Variants in KCNU1 observed in about 807,000 individuals in gnomAD.
KCNU1 encodes the protein potassium calcium-activated channel subfamily U member 1.
In KCNU1, 93 loss-of-function variants were observed where a neutral mutation model predicts 126.8. The observed-to-expected ratio is 0.73, with a 90% CI of 0.62 to 0.87. The LOEUF (loss-of-function observed/expected upper bound fraction) is 0.87, where lower values mean the gene tolerates loss of function less well. Ranked by LOEUF, KCNU1 falls within the 40% of genes least tolerant of loss-of-function variation. The pLI is 0.00. For synonymous variants in KCNU1, 523 were observed against 494.2 expected, an observed-to-expected ratio of 1.06 and a Z score of -0.77; for missense variants, 1,330 against 1,367.1, an observed-to-expected ratio of 0.97 and a Z score of 0.43.
In KCNU1 at chr8:36,907,478, T is replaced by C. The variant is rs142431665; in HGVS notation, c.2106+1674T>C. On this transcript the variant is annotated intron_variant, in intron 20 of 26. Coordinates refer to ENST00000399881, the MANE Select transcript of KCNU1 (RefSeq NM_001031836.3). ...ACCGTTAGAGGCTTCATTATTCAAG[T>C]TAAAACTAATCGGATTAGCTAGAGA... Among the ~76,000 whole-genome samples the C allele has an allele frequency of 4.6e-5, 7 of 152,242 alleles. No individual in the cohort carries two copies. In the East Asian group the frequency reaches 1.2e-3, roughly 25 times the overall value.
In KCNU1 at chr8:36,935,664, C is replaced by T. The variant is rs201369844; in HGVS notation, c.3194C>T (p.Thr1065Ile). Residue 1065 changes from threonine to isoleucine, a missense_variant, in exon 27 of 27, where the codon ACA (threonine) becomes ATA (isoleucine). By Grantham distance (89) the Thr-to-Ile change is moderately conservative. Around this residue, in one of 3 missense-constraint regions of KCNU1, gnomAD observed 1,054 missense variants for 1,053.9 expected, o/e 1.00. Transcript: ENST00000399881. Reference sequence around the variant, plus strand: ...GAAATTGTAAATAAAGCATCACAGACAACAGAGACACATTCAGACACAAAT... The same window carrying T: ...GAAATTGTAAATAAAGCATCACAGATAACAGAGACACATTCAGACACAAAT... ...SYEIVNKASQ[T>I]TETHSDTNCP... The T allele has an allele frequency of 9.3e-6, 15 of 1,613,272 alleles. No individual in the cohort carries two copies. In the African/African-American group the frequency reaches 1.6e-4, roughly 17 times the overall value.
At chr8:36,849,852 T>C (rs895123687) in intron 18 of KCNU1, among the ~76,000 whole-genome samples, 6 of 152,282 alleles carry the variant, frequency 3.9e-5, no homozygotes, top group Admixed American at 1.3e-4. Context: ...AGAAGTAGAA[T>C]TGCTAAATCA....
intron 18 of KCNU1, among the ~76,000 whole-genome samples, chr8:36,850,401 A>G (rs1210777833): frequency 6.6e-6 from 1 of 151,040 alleles, no homozygotes; most frequent in East Asian, 1.9e-4. Flanking sequence ...ACCAAGATTT[A>G]CCCCAAAACT....
At chr8:36,797,887 C>G (rs186051216) in intron 2 of KCNU1, among the ~76,000 whole-genome samples, 9 of 152,266 alleles carry the variant, frequency 5.9e-5, no homozygotes, top group African/African-American at 1.9e-4. Flanking sequence ...CCAATGTAGC[C>G]TCTCTCCTCT....
At chr8:36,816,988 T>G (rs762169250) in intron 9 of KCNU1, among the ~76,000 whole-genome samples, 3 of 151,966 alleles carry the variant, frequency 2.0e-5, no homozygotes, top group Non-Finnish European at 4.4e-5. Flanking sequence ...CTCAGACAAC[T>G]AGGAATTAAG....
chr8:36,884,429 A>T (rs1750362990), intron 19 of KCNU1, among the ~76,000 whole-genome samples: 1 of 152,120 alleles, frequency 6.6e-6, no homozygotes, highest in Non-Finnish European at 1.5e-5. Context: ...GTATGCCGTG[A>T]TGTGAGCCAC....
At chr8:36,798,233 A>C (rs1482439101) in intron 2 of KCNU1, among the ~76,000 whole-genome samples, 1 of 152,146 alleles carries the variant, frequency 6.6e-6, no homozygotes, top group Non-Finnish European at 1.5e-5. Flanking sequence ...TCTTGCCCAA[A>C]TTCCTATCTA....
At chr8:36,821,121 C>T (rs1804108649) in intron 10 of KCNU1, among the ~76,000 whole-genome samples, 1 of 152,132 alleles carries the variant, frequency 6.6e-6, no homozygotes, top group Admixed American at 6.6e-5. Flanking sequence ...CAATTTAGCA[C>T]ACACAAGAAT....
chr8:36,864,212 C>T (rs765940218), intron 18 of KCNU1, among the ~76,000 whole-genome samples, 192 bp from the exon 19 acceptor site: 3 of 152,130 alleles, frequency 2.0e-5, no homozygotes, highest in African/African-American at 7.2e-5. Context: ...CTGAAATTCT[C>T]TCTCACTCCC....
rs1038714306 is a variant in KCNU1, at chr8:36,904,799, C to G, written c.2010-909C>G. 8.5e-5 allele frequency among the ~76,000 whole-genome samples: 13 copies of G among 152,246 alleles called. No homozygotes were observed. In the East Asian group the frequency reaches 2.5e-3, roughly 30 times the overall value. ...GGCCATAAGATGGTAGAGCCTCTGT[C>G]CCCCAGGCTCCGGATGGCTGTGTGG... On this transcript the variant is annotated intron_variant, in intron 19 of 26. Coordinates refer to ENST00000399881, the MANE Select transcript of KCNU1 (RefSeq NM_001031836.3).
At chr8:36,853,608 T>C (rs1805428912) in intron 18 of KCNU1, among the ~76,000 whole-genome samples, 2 of 152,346 alleles carry the variant, frequency 1.3e-5, no homozygotes, top group East Asian at 3.9e-4. Flanking sequence ...CCATTGAAGT[T>C]GGAAAGCATA....
chr8:36,911,856 C>G (rs1008331113), intron 22 of KCNU1, among the ~76,000 whole-genome samples: 1 of 152,168 alleles, frequency 6.6e-6, no homozygotes, highest in Non-Finnish European at 1.5e-5. Context: ...TCAAAATGTG[C>G]CTATGGTCAA....
Position 36,784,477 on chromosome 8 carries a change from A to T in KCNU1, c.67A>T (p.Ile23Phe). 2 of 1,613,902 alleles carry T rather than the reference A, an allele frequency of 1.2e-6. No homozygotes were observed. Among genetic ancestry groups the T allele is most frequent in the Non-Finnish European group, 1.7e-6 (2 of 1,179,826 alleles). ...DLPKMSCTTE[I>F]QAAFILSSFV... ...GCCAAAAATGTCCTGCACAACTGAGATCCAAGCAGCATTCATTCTCTCTTC... is the reference window on the plus strand; with the variant it reads ...GCCAAAAATGTCCTGCACAACTGAGTTCCAAGCAGCATTCATTCTCTCTTC... The change falls in exon 1 of 27, where the codon ATC becomes TTC. Residue 23 changes from isoleucine to phenylalanine, a missense_variant. Physicochemically the swap from Ile to Phe is conservative, Grantham distance 21 (BLOSUM62 0). Coordinates refer to ENST00000399881, the MANE Select transcript of KCNU1 (RefSeq NM_001031836.3).
chr8:36,891,463 C>A (rs1331910078), intron 19 of KCNU1, among the ~76,000 whole-genome samples: 2 of 151,822 alleles, frequency 1.3e-5, no homozygotes, highest in Admixed American at 6.6e-5. Flanking sequence ...TGGATGGATG[C>A]TTGGAAGAAT....
chr8:36,935,994 A>C lies in KCNU1; in HGVS notation c.*74A>C. The C allele has an allele frequency of 7.4e-7, 1 of 1,344,914 alleles. No individual in the cohort carries two copies. Among genetic ancestry groups the C allele is most frequent in the Non-Finnish European group, 1.0e-6 (1 of 987,470 alleles). The allele number at this position is 1,344,914 out of a possible 1,614,324, so 83.3% of individuals were successfully genotyped here. Reference sequence around the variant, plus strand: ...CTCCTGAGATGCTAACTTTGAACAAAGAAAATAAGAATGGAAGCATGCCAT... The same window carrying C: ...CTCCTGAGATGCTAACTTTGAACAACGAAAATAAGAATGGAAGCATGCCAT... On this transcript the variant is annotated 3_prime_UTR_variant, in exon 27 of 27. Coordinates refer to ENST00000399881, the MANE Select transcript of KCNU1 (RefSeq NM_001031836.3).
intron 10 of KCNU1, among the ~76,000 whole-genome samples, chr8:36,818,579 A>G (rs755427117): frequency 8.5e-5 from 13 of 152,158 alleles, no homozygotes; most frequent in Non-Finnish European, 1.8e-4. Context: ...GATCCATGGA[A>G]TTGCTTTTGC....
At chr8:36,800,732 C>T (rs141884261) in intron 2 of KCNU1, among the ~76,000 whole-genome samples, 1 of 152,364 alleles carries the variant, frequency 6.6e-6, no homozygotes, top group East Asian at 1.9e-4. Flanking sequence ...TCCTACCCGA[C>T]TCACTGAACA....
At chr8:36,812,301 GC>G (rs1254040459) in intron 7 of KCNU1, among the ~76,000 whole-genome samples, 2 of 148,922 alleles carry the variant, frequency 1.3e-5, no homozygotes, top group Non-Finnish European at 3.0e-5. Context: ...AATTGCTTGA[GC>G]CCAGGAGGTG....
At chr8:36,922,374 C>A in intron 23 of KCNU1, 116 bp from the exon 24 acceptor site, 1 of 1,134,896 alleles carries the variant, frequency 8.8e-7, no homozygotes, top group Admixed American at 2.5e-5. Flanking sequence ...CACAGAGACC[C>A]CAAAGTAGAC....
Sources: gnomAD v4.1 joint callset for allele counts (sites outside exome capture counted in the v4.1 genomes callset) on GRCh38, gnomAD v4.1.1 for gene constraint, gnomAD v4.1.1 regional missense constraint, MANE v1.5 for transcripts, NCBI Gene and HGNC (gene_info 2026-07-23, HGNC 2026-07-21) for gene names.